C2orf80: variants seen among roughly 807,000 people sequenced by gnomAD.
C2orf80 encodes the protein uncharacterized protein C2orf80.
Under a neutral mutation model 30.2 loss-of-function variants are expected in C2orf80, and 28 were observed. The ratio of observed to expected loss-of-function variants is 0.93; its 90% CI spans 0.69 to 1.27. The LOEUF (loss-of-function observed/expected upper bound fraction) is 1.27. C2orf80 is among the 50% of genes most tolerant of loss of function. The probability of loss-of-function intolerance (pLI) is 0.00; values close to 1 mark genes in which losing one functional copy is unlikely to be tolerated. For missense variants in C2orf80, 220 were observed against 231.0 expected (o/e 0.95, Z 0.31); for synonymous variants, 80 against 76.4 (o/e 1.05, Z -0.24).
At chr2:208,167,815 A>C (rs1232209538) in intron 8 of C2orf80, among the ~76,000 whole-genome samples, 1 of 150,394 alleles carries the variant, frequency 6.6e-6, no homozygotes, top group Non-Finnish European at 1.5e-5. Context: ...ACCTCAAGTA[A>C]TCTGCTCTCC....
At chr2:208,175,798 G>C (rs1410675731) in intron 6 of C2orf80, among the ~76,000 whole-genome samples, 1 of 151,478 alleles carries the variant, frequency 6.6e-6, no homozygotes, top group African/African-American at 2.4e-5. Flanking sequence ...AATTCCAAAA[G>C]ACTCTTTTAA....
chr2:208,183,584 G>C (rs1696627967), intron 3 of C2orf80, among the ~76,000 whole-genome samples: 1 of 152,100 alleles, frequency 6.6e-6, no homozygotes, highest in Admixed American at 6.6e-5. Flanking sequence ...TTGGAGGGAT[G>C]GGCCGTTTTA....
At chr2:208,169,011 C>A (rs889692998) in intron 8 of C2orf80, among the ~76,000 whole-genome samples, 1 of 151,138 alleles carries the variant, frequency 6.6e-6, no homozygotes. Context: ...CTGCTGCCTG[C>A]GAAGTACTTT....
intron 4 of C2orf80, 44 bp from the exon 5 acceptor site, chr2:208,181,349 C>G: frequency 7.9e-7 from 1 of 1,264,598 alleles, no homozygotes; most frequent in East Asian, 2.3e-5. Flanking sequence ...TATTCTTGTT[C>G]TTTTTGATGC....
intron 6 of C2orf80, among the ~76,000 whole-genome samples, chr2:208,173,593 C>G (rs1048334911): frequency 2.7e-5 from 4 of 150,504 alleles, no homozygotes; most frequent in African/African-American, 9.8e-5. Flanking sequence ...CCACTGCACT[C>G]CAGCCTGGGC....
At chr2:208,176,475 C>T (rs1394625584) in intron 6 of C2orf80, among the ~76,000 whole-genome samples, 3 of 152,194 alleles carry the variant, frequency 2.0e-5, no homozygotes, top group East Asian at 1.9e-4. Context: ...GGCACCTGGC[C>T]GACATTTTTG....
intron 2 of C2orf80, among the ~76,000 whole-genome samples, chr2:208,186,433 A>G (rs1371343384): frequency 1.3e-5 from 2 of 152,190 alleles, no homozygotes; most frequent in African/African-American, 2.4e-5. Context: ...AAACACTGCC[A>G]TGGGAGGAAA....
rs878950748 is a variant in C2orf80 at position 208,185,096 on chromosome 2, CT to C, written c.42-65del. 6,367 of 1,082,112 alleles carry C rather than the reference CT, an allele frequency of 5.9e-3. 2 individuals are homozygous for C. The highest frequency in any genetic ancestry group is 9.9e-3 in the Admixed American group (425 of 43,116). The allele number at this position is 1,082,112 out of a possible 1,614,324, so 67.0% of individuals were successfully genotyped here. ...CACGGGCTCAGTCTGCAGAAAAAGG[CT>C]TTTTTTTTTCCCATCCCTCCCTCCC... On this transcript the variant is annotated intron_variant, in intron 2 of 8. Coordinates refer to ENST00000341287, the MANE Select transcript of C2orf80 (RefSeq NM_001099334.3).
At chr2:208,167,788 C>G (rs536735826) in intron 8 of C2orf80, among the ~76,000 whole-genome samples, 23 of 151,566 alleles carry the variant, frequency 1.5e-4, no homozygotes, top group Admixed American at 1.5e-3. Context: ...GTTGTTCAGG[C>G]TGGTCTTGAA....
chr2:208,187,111 A>G, intron 1 of C2orf80, 50 bp from the exon 2 acceptor site: 1 of 834,704 alleles, frequency 1.2e-6, no homozygotes, highest in Non-Finnish European at 2.0e-6. Context: ...TATCACTCCA[A>G]ATACCAGTCA....
chr2:208,176,929 A>ACGTATACATAGG lies in C2orf80; in HGVS notation c.366+3815_366+3816insCCTATGTATACG, dbSNP rs1559340311. Among the ~76,000 whole-genome samples, 13 of 66,412 alleles carry ACGTATACATAGG rather than the reference A, an allele frequency of 2.0e-4. 1 individual carries two copies. The highest frequency in any genetic ancestry group is 2.8e-4 in the Non-Finnish European group (8 of 28,312). 43.6% of individuals were successfully genotyped at this position (66,412 alleles called of 152,430 possible). A position where few individuals can be genotyped will look rare whatever the true frequency, so the allele number is the denominator to read the frequency against. ...TCTGTGTATACATATCTGTATACAT[A>ACGTATACATAGG]TGTATACATATCTGTATACATATCT... is the stretch of plus-strand genomic sequence containing the variant. On this transcript the variant is annotated intron_variant, in intron 6 of 8. Coordinates refer to ENST00000341287, the MANE Select transcript of C2orf80 (RefSeq NM_001099334.3).
intron 6 of C2orf80, 91 bp from the exon 7 acceptor site, chr2:208,172,166 T>C: frequency 1.0e-6 from 1 of 998,606 alleles, no homozygotes; most frequent in Non-Finnish European, 1.6e-6. Flanking sequence ...TTTAATCAAC[T>C]CAGAATCCTT....
intron 3 of C2orf80, 65 bp downstream of exon 3, chr2:208,184,886 C>A (rs1007148594): frequency 7.5e-7 from 1 of 1,333,346 alleles, no homozygotes; most frequent in African/African-American, 1.4e-5. Context: ...AAATAAGATC[C>A]TTTTTCTGTC....
rs1559340729 is a variant in C2orf80 at position 208,176,989 on chromosome 2, A to ACATATC, written c.366+3755_366+3756insGATATG. On this transcript the variant is annotated intron_variant, in intron 6 of 8. Coordinates refer to ENST00000341287, the MANE Select transcript of C2orf80 (RefSeq NM_001099334.3). ...TGTATACATATATACAGAAATGTAT[A>ACATATC]TGTATACATATATACATATATACAG... Among the ~76,000 whole-genome samples, 139 of 73,342 alleles carry ACATATC rather than the reference A, an allele frequency of 1.9e-3. 1 individual carries two copies. Among genetic ancestry groups the ACATATC allele is most frequent in the Non-Finnish European group, 2.5e-3 (85 of 34,662 alleles). 48.1% of individuals were successfully genotyped at this position (73,342 alleles called of 152,430 possible).
At chr2:208,188,663 A>G (rs1696790155) in intron 1 of C2orf80, among the ~76,000 whole-genome samples, 1 of 152,078 alleles carries the variant, frequency 6.6e-6, no homozygotes. Flanking sequence ...ATTGGCCAGG[A>G]TGGTCTCCAT....
chr2:208,188,085 CGTGTGTGT>C (rs139478315), intron 1 of C2orf80, among the ~76,000 whole-genome samples: 9,114 of 144,152 alleles, frequency 0.063, 402 homozygotes, highest in African/African-American at 0.12. Context: ...TATACTGCAC[CGTGTGTGT>C]GTGTGTGTGT....
intron 6 of C2orf80, among the ~76,000 whole-genome samples, chr2:208,176,187 T>A (rs1427572831): frequency 6.6e-6 from 1 of 152,228 alleles, no homozygotes; most frequent in South Asian, 2.1e-4. Flanking sequence ...GAGACATTTT[T>A]TTTTTTGAGA....
At chr2:208,180,675 T>C (rs1335145638) in intron 6 of C2orf80, 70 bp downstream of exon 6, 5 of 1,179,504 alleles carry the variant, frequency 4.2e-6, no homozygotes. Flanking sequence ...AAATACAACA[T>C]TATACATTTA....
In C2orf80 at chr2:208,180,740, C is replaced by G. The variant is rs768157502; in HGVS notation, c.366+5G>C. On this transcript the variant is annotated splice_donor_5th_base_variant and intron_variant, in intron 6 of 8. Coordinates refer to ENST00000341287, the MANE Select transcript of C2orf80 (RefSeq NM_001099334.3). ...CTTCTATTGACAATCCCAGGTCACC[C>G]TTACCTTGATGGTACCAGAATCGGC... is the stretch of plus-strand genomic sequence containing the variant. 1 of 1,612,218 alleles carries G rather than the reference C, an allele frequency of 6.2e-7. No individual in the cohort carries two copies. Among genetic ancestry groups the G allele is most frequent in the South Asian group, 1.1e-5 (1 of 90,846 alleles).
Sources: gnomAD v4.1 joint callset for allele counts (sites outside exome capture counted in the v4.1 genomes callset) on GRCh38, gnomAD v4.1.1 for gene constraint, MANE v1.5 for transcripts, NCBI Gene and HGNC (gene_info 2026-07-23, HGNC 2026-07-21) for gene names.